Variants in GRK7 observed in about 807,000 individuals in gnomAD.
The protein encoded by GRK7 is G protein-coupled receptor kinase 7.
GRK7 carries 24 observed loss-of-function variants against 34.1 expected under a neutral mutation model. The observed-to-expected ratio is 0.70, with a 90% CI of 0.51 to 0.99. The LOEUF is 0.99. Ranked by LOEUF, GRK7 falls within the 50% of genes least tolerant of loss-of-function variation. GRK7 has a pLI of 0.00. For synonymous variants in GRK7, 256 were observed against 279.4 expected, an observed-to-expected ratio of 0.92 and a Z score of 0.84; for missense variants, 644 against 707.3, an observed-to-expected ratio of 0.91 and a Z score of 1.02.
At chr3:141,758,834 G>A (rs1028591092), upstream of GRK7, among the ~76,000 whole-genome samples, 2 of 151,684 alleles carry the variant, frequency 1.3e-5, no homozygotes, top group African/African-American at 4.8e-5. Context: ...ATTTCCTTGA[G>A]CAGTGGTTTG....
the GRK7 span, among the ~76,000 whole-genome samples, chr3:141,750,946 A>C: frequency 9.2e-5 from 14 of 152,078 alleles, no homozygotes; most frequent in African/African-American, 3.4e-4. Flanking sequence ...CTGAGGCAGG[A>C]GGATTGCTTG....
At chr3:141,804,781 TCACATACACGCA>T (rs967889768) in intron 4 of GRK7, among the ~76,000 whole-genome samples, 2 of 146,254 alleles carry the variant, frequency 1.4e-5, no homozygotes, top group African/African-American at 5.2e-5. Context: ...ACACACATGC[TCACATACACGCA>T]CACATACACA....
rs555247571 is a variant in GRK7 at position 141,791,153 on chromosome 3, C to T, written c.1050+10342C>T. Among the ~76,000 whole-genome samples the T allele has an allele frequency of 9.9e-5, 15 of 152,242 alleles. 1 individual carries two copies. Among genetic ancestry groups the T allele is most frequent in the African/African-American group, 3.6e-4 (15 of 41,536 alleles). ...CTTGTTACATGTTTAGATACCTGGT[C>T]CTGCCTTGAAGTCTCTGACCAACTC... is the stretch of plus-strand genomic sequence containing the variant. On this transcript the variant is annotated intron_variant, in intron 4 of 5. Coordinates refer to ENST00000682958, the MANE Select transcript of GRK7 (RefSeq NM_139209.3).
chr3:141,812,041 G>A (rs888027527), intron 5 of GRK7, among the ~76,000 whole-genome samples: 5 of 152,186 alleles, frequency 3.3e-5, no homozygotes, highest in Admixed American at 6.5e-5. Flanking sequence ...GCAAATAATC[G>A]TGAAAATCTC....
chr3:141,809,129 G>A (rs1711067270), intron 5 of GRK7, among the ~76,000 whole-genome samples: 1 of 152,048 alleles, frequency 6.6e-6, no homozygotes, highest in East Asian at 1.9e-4. Flanking sequence ...TTGAACCCAG[G>A]AGGCGGAGGT....
At chr3:141,775,845 G>A (rs2084636389) in intron 2 of GRK7, among the ~76,000 whole-genome samples, 1 of 151,280 alleles carries the variant, frequency 6.6e-6, no homozygotes, top group Non-Finnish European at 1.5e-5. Context: ...TTACATATGT[G>A]GCTTCATATT....
the GRK7 span, among the ~76,000 whole-genome samples, chr3:141,750,294 C>T: frequency 6.6e-6 from 1 of 152,164 alleles, no homozygotes; most frequent in Non-Finnish European, 1.5e-5. Context: ...GTGGTTGGAA[C>T]GGAATCTGCT....
chr3:141,794,122 G>C (rs1008023290), intron 4 of GRK7, among the ~76,000 whole-genome samples: 2 of 152,204 alleles, frequency 1.3e-5, no homozygotes, highest in Non-Finnish European at 2.9e-5. Flanking sequence ...AACCCATCCC[G>C]GGGAGGCAAG....
At chr3:141,807,147 T>G (rs1711044659) in intron 4 of GRK7, among the ~76,000 whole-genome samples, 1 of 152,158 alleles carries the variant, frequency 6.6e-6, no homozygotes, top group African/African-American at 2.4e-5. Flanking sequence ...TGTTATTACA[T>G]AGCACACAGA....
At chr3:141,816,445 T>G (rs1303636513) in intron 5 of GRK7, among the ~76,000 whole-genome samples, 1 of 152,168 alleles carries the variant, frequency 6.6e-6, no homozygotes, top group Non-Finnish European at 1.5e-5. Context: ...ACACCAAGAA[T>G]AAAAGTCATG....
rs1439746549 is a variant in GRK7 at position 141,778,368 on chromosome 3, A to G, written c.84A>G (p.Lys28=). The G allele has an allele frequency of 6.2e-7, 1 of 1,611,248 alleles. No individual in the cohort carries two copies. Among genetic ancestry groups the G allele is most frequent in the East Asian group, 2.2e-5 (1 of 44,814 alleles). The change falls in exon 3 of 6, where the codon AAA becomes AAG. Residue 28 remains lysine, a synonymous_variant. Transcript: ENST00000682958. This position sits in a 1 kb window ranked among gnomAD's most constrained non-coding sequence, Gnocchi z 4.1. The part of the protein sequence containing the change: ...QARKPSDCDS[K]ELQRRRRSLA... Reference sequence around the variant, plus strand: ...GGAAGCCCTCGGACTGCGACAGCAAAGAGCTGCAGCGGCGGCGGCGTAGCC... The same window carrying G: ...GGAAGCCCTCGGACTGCGACAGCAAGGAGCTGCAGCGGCGGCGGCGTAGCC...
At chr3:141,803,738 C>A (rs1002269997) in intron 4 of GRK7, among the ~76,000 whole-genome samples, 1 of 152,070 alleles carries the variant, frequency 6.6e-6, no homozygotes. Flanking sequence ...CTCCCCTCCC[C>A]CAAGACGGAG....
chr3:141,810,942 T>G (rs1711086743), intron 5 of GRK7, among the ~76,000 whole-genome samples: 1 of 151,994 alleles, frequency 6.6e-6, no homozygotes, highest in South Asian at 2.1e-4. Context: ...AGTGGCTGAG[T>G]CAGGAGGACA....
the GRK7 span, among the ~76,000 whole-genome samples, chr3:141,750,146 A>G: frequency 2.0e-5 from 3 of 152,122 alleles, no homozygotes; most frequent in Non-Finnish European, 4.4e-5. Context: ...TTTTTTTGCC[A>G]TTAAAAGTAA....
At position 141,778,792 on chromosome 3, in the gene GRK7, G is replaced by C; in HGVS notation, c.508G>C (p.Ala170Pro). 6.2e-7 allele frequency: 1 copy of C among 1,607,866 alleles called. No individual in the cohort carries two copies. The highest frequency in any genetic ancestry group is 8.5e-7 in the Non-Finnish European group (1 of 1,177,536). ...GCCCTTTAAGGATTTCGTGACCAGC[G>C]CCTTCTACGACAAGTTTCTGCAGTG... is the stretch of plus-strand genomic sequence containing the variant. ...EQPFKDFVTS[A>P]FYDKFLQWKL... The change falls in exon 3 of 6, where the codon GCC (alanine) becomes CCC (proline). Residue 170 changes from alanine to proline, a missense_variant. Physicochemically the swap from Ala to Pro is conservative, Grantham distance 27 (BLOSUM62 -1). Coordinates refer to ENST00000682958, the MANE Select transcript of GRK7 (RefSeq NM_139209.3). This position sits in a 1 kb window ranked among gnomAD's most constrained non-coding sequence, Gnocchi z 4.1.
chr3:141,772,547 T>C (rs1049220126), intron 1 of GRK7, among the ~76,000 whole-genome samples: 1 of 152,200 alleles, frequency 6.6e-6, no homozygotes, highest in Non-Finnish European at 1.5e-5. Flanking sequence ...ATGCAGAGAA[T>C]TGGGCATTTT....
chr3:141,756,380 A>G, the GRK7 span, among the ~76,000 whole-genome samples: 1 of 152,104 alleles, frequency 6.6e-6, no homozygotes, highest in Non-Finnish European at 1.5e-5. Flanking sequence ...AATCTTTATA[A>G]TCTTTAGATT....
chr3:141,773,800 G>A (rs373164563), intron 1 of GRK7, among the ~76,000 whole-genome samples: 4 of 152,214 alleles, frequency 2.6e-5, no homozygotes, highest in Non-Finnish European at 4.4e-5. Flanking sequence ...GCTTACCCAA[G>A]AATCAACATT....
intron 4 of GRK7, among the ~76,000 whole-genome samples, chr3:141,797,889 G>C (rs1457518220): frequency 6.6e-6 from 1 of 152,178 alleles, no homozygotes; most frequent in Non-Finnish European, 1.5e-5. Flanking sequence ...AAGGACCTGC[G>C]CACACTCATA....
Sources: gnomAD v4.1 joint callset for allele counts (sites outside exome capture counted in the v4.1 genomes callset) on GRCh38, gnomAD v4.1.1 for gene constraint, Gnocchi (gnomAD v3.1) non-coding constraint, MANE v1.5 for transcripts, NCBI Gene and HGNC (gene_info 2026-07-23, HGNC 2026-07-21) for gene names.